Variants in EXPH5 observed in about 807,000 individuals in gnomAD.
The protein encoded by EXPH5 is exophilin 5, also known as exophilin-5.
Under a neutral mutation model 41.1 loss-of-function variants are expected in EXPH5, and 42 were observed. The ratio of observed to expected loss-of-function variants is 1.02; its 90% CI spans 0.80 to 1.32. EXPH5 has a LOEUF of 1.32. Among genes scored for constraint, EXPH5 ranks in the 40% most tolerant of loss-of-function variants. EXPH5 has a pLI of 0.00. For synonymous variants in EXPH5, 798 were observed against 833.5 expected, an observed-to-expected ratio of 0.96 and a Z score of 0.73; for missense variants, 2,298 against 2,314.5, an observed-to-expected ratio of 0.99 and a Z score of 0.15.
At position 108,510,244 on chromosome 11, in the gene EXPH5, G is replaced by C; in HGVS notation, c.5263C>G (p.Pro1755Ala). The change falls in exon 6 of 6, where the codon CCT becomes GCT. Residue 1755 changes from proline to alanine, a missense_variant. Physicochemically the swap from Pro to Ala is conservative, Grantham distance 27. Coordinates refer to ENST00000265843, the MANE Select transcript of EXPH5 (RefSeq NM_015065.3). The stretch of plus-strand genomic sequence containing the variant: ...TTCTGTGCAGGCTCCAGTGGAAAAG[G>C]AGGGCTCAGCCTCCTCTGATTGTCA... ...FSDNQRRLSP[P>A]FPLEPAQKSR... 6.2e-7 allele frequency: 1 copy of C among 1,613,730 alleles called. No homozygotes were observed. The highest frequency in any genetic ancestry group is 8.5e-7 in the Non-Finnish European group (1 of 1,179,910).
At chr11:108,603,425 A>G in the EXPH5 span, among the ~76,000 whole-genome samples, 1,255 of 152,314 alleles carry the variant, frequency 8.2e-3, 12 homozygotes, top group African/African-American at 0.029. Context: ...GGTGGCTTGT[A>G]TCTGTAATCC....
chr11:108,532,593 C>T (rs1326719319), intron 3 of EXPH5, among the ~76,000 whole-genome samples: 1 of 151,182 alleles, frequency 6.6e-6, no homozygotes, highest in Non-Finnish European at 1.5e-5. Flanking sequence ...CATCATTTGG[C>T]CAGTTTCTCT....
At chr11:108,557,591 G>C (rs1212625991) in intron 1 of EXPH5, among the ~76,000 whole-genome samples, 1 of 151,654 alleles carries the variant, frequency 6.6e-6, no homozygotes, top group Non-Finnish European at 1.5e-5. Flanking sequence ...CAAGTGATTC[G>C]TTCTCCTCAG....
the EXPH5 span, among the ~76,000 whole-genome samples, chr11:108,601,472 T>G: frequency 6.6e-6 from 1 of 152,222 alleles, no homozygotes; most frequent in Non-Finnish European, 1.5e-5. Flanking sequence ...AATCCAAGCT[T>G]GTAAACAACA....
intron 1 of EXPH5, among the ~76,000 whole-genome samples, chr11:108,542,705 T>C (rs1403244672): frequency 6.6e-6 from 1 of 152,168 alleles, no homozygotes; most frequent in East Asian, 1.9e-4. Flanking sequence ...TTATTGAATG[T>C]AACAATCTTA....
chr11:108,529,721 G>C (rs538871613), intron 3 of EXPH5, among the ~76,000 whole-genome samples: 2 of 151,978 alleles, frequency 1.3e-5, no homozygotes, highest in African/African-American at 4.8e-5. Flanking sequence ...GCAGGTGCCT[G>C]TAATCCTAGC....
intron 1 of EXPH5, among the ~76,000 whole-genome samples, chr11:108,583,795 A>G (rs1009334146): frequency 6.6e-6 from 1 of 152,222 alleles, no homozygotes; most frequent in African/African-American, 2.4e-5. Flanking sequence ...ATTCAACATC[A>G]TGCTTGAAGT....
chr11:108,532,354 A>ATATATATATATATATATATG (rs2093845069), intron 3 of EXPH5, among the ~76,000 whole-genome samples: 1 of 23,004 alleles, frequency 4.3e-5, no homozygotes, highest in Non-Finnish European at 8.2e-5. Context: ...ATATATATAT[A>ATATATATATATATATATATG]TATATATATA....
At chr11:108,559,487 T>C (rs2094003080) in intron 1 of EXPH5, among the ~76,000 whole-genome samples, 1 of 152,196 alleles carries the variant, frequency 6.6e-6, no homozygotes, top group Admixed American at 6.5e-5. Context: ...TTTTCATCCA[T>C]AGACAGAGTG....
At chr11:108,519,346 G>T (rs1479017485) in intron 4 of EXPH5, among the ~76,000 whole-genome samples, 1 of 152,168 alleles carries the variant, frequency 6.6e-6, no homozygotes, top group African/African-American at 2.4e-5. Flanking sequence ...CCCCTCTTGA[G>T]TTTGGAGTGC....
intron 1 of EXPH5, among the ~76,000 whole-genome samples, chr11:108,578,961 T>C (rs969271741): frequency 7.2e-5 from 11 of 152,226 alleles, no homozygotes; most frequent in African/African-American, 2.7e-4. Context: ...ACAAGAACAA[T>C]GATTTCTTTC....
chr11:108,534,771 T>A (rs2093868290), intron 3 of EXPH5, among the ~76,000 whole-genome samples: 1 of 152,226 alleles, frequency 6.6e-6, no homozygotes, highest in South Asian at 2.1e-4. Context: ...CTAGGCCACA[T>A]GGCATCCCTG....
intron 1 of EXPH5, among the ~76,000 whole-genome samples, chr11:108,584,949 A>G (rs906141522): frequency 4.6e-5 from 7 of 152,242 alleles, no homozygotes; most frequent in Non-Finnish European, 1.0e-4. Context: ...AAGACACAGT[A>G]GGAAAGTTAA....
chr11:108,531,887 C>T (rs373371217), intron 3 of EXPH5, among the ~76,000 whole-genome samples: 14 of 152,344 alleles, frequency 9.2e-5, no homozygotes, highest in African/African-American at 3.4e-4. Context: ...AACCCATCCA[C>T]ATCTCTACAT....
At chr11:108,577,429 GT>G (rs1555199398) in intron 1 of EXPH5, among the ~76,000 whole-genome samples, 1 of 150,350 alleles carries the variant, frequency 6.7e-6, no homozygotes, top group Non-Finnish European at 1.5e-5. Flanking sequence ...TTTATTTTTT[GT>G]TTTTTTTGGT....
chr11:108,512,798 A>AGTGTTCCATCCT lies in EXPH5; in HGVS notation c.2708_2709insAGGATGGAACAC (p.Thr903_Thr904insGlyTrpAsnThr). The AGTGTTCCATCCT allele has an allele frequency of 6.2e-7, 1 of 1,614,146 alleles. No individual in the cohort carries two copies. Among genetic ancestry groups the AGTGTTCCATCCT allele is most frequent in the Non-Finnish European group, 8.5e-7 (1 of 1,179,996 alleles). On this transcript the variant is annotated inframe_insertion, in exon 6 of 6. Transcript: ENST00000265843. ...AAGGACTTCTCCTGGAGAACACTGT[A>AGTGTTCCATCCT]GTAGATGGAACCACAGGAGCATCAA...
At chr11:108,600,466 T>A in the EXPH5 span, among the ~76,000 whole-genome samples, 1 of 152,240 alleles carries the variant, frequency 6.6e-6, no homozygotes, top group East Asian at 1.9e-4. Context: ...AACTGTTTAA[T>A]GTGACTGGCA....
chr11:108,578,416 T>A (rs1026039333), intron 1 of EXPH5, among the ~76,000 whole-genome samples: 1 of 152,208 alleles, frequency 6.6e-6, no homozygotes, highest in African/African-American at 2.4e-5. Context: ...GCCAGTACCA[T>A]GTTATTTTAG....
At chr11:108,604,972 G>T in the EXPH5 span, among the ~76,000 whole-genome samples, 12 of 152,172 alleles carry the variant, frequency 7.9e-5, no homozygotes, top group Non-Finnish European at 1.6e-4. Flanking sequence ...GAGATGAATT[G>T]GATGGGACTG....
Sources: gnomAD v4.1 joint callset for allele counts (sites outside exome capture counted in the v4.1 genomes callset) on GRCh38, gnomAD v4.1.1 for gene constraint, MANE v1.5 for transcripts, NCBI Gene and HGNC (gene_info 2026-07-23, HGNC 2026-07-21) for gene names.